TTC23: variants seen among roughly 807,000 people sequenced by gnomAD.
The protein encoded by TTC23 is tetratricopeptide repeat protein 23.
In TTC23, 58 loss-of-function variants were observed where a neutral mutation model predicts 55.1. The observed-to-expected ratio is 1.05, with a 90% CI of 0.85 to 1.31. The LOEUF (loss-of-function observed/expected upper bound fraction) is 1.31, where lower values mean the gene tolerates loss of function less well. Among genes scored for constraint, TTC23 ranks in the 50% most tolerant of loss-of-function variants. TTC23 has a pLI of 0.00. For missense variants in TTC23, 516 were observed against 534.4 expected, an observed-to-expected ratio of 0.97 and a Z score of 0.34; for synonymous variants, 203 against 199.9, an observed-to-expected ratio of 1.02 and a Z score of -0.13.
At chr15:99,194,291 G>A (rs1462939749) in intron 9 of TTC23, among the ~76,000 whole-genome samples, 1 of 152,080 alleles carries the variant, frequency 6.6e-6, no homozygotes, top group African/African-American at 2.4e-5. Flanking sequence ...ATCCAGAATA[G>A]CCAATGAAAT....
At chr15:99,167,872 C>T (rs2072348527) in intron 10 of TTC23, among the ~76,000 whole-genome samples, 1 of 152,196 alleles carries the variant, frequency 6.6e-6, no homozygotes, top group Non-Finnish European at 1.5e-5. Context: ...CTACTCTGTA[C>T]CAACCGCAAA....
intron 8 of TTC23, among the ~76,000 whole-genome samples, chr15:99,201,476 A>C (rs1432063141): frequency 6.6e-6 from 1 of 152,190 alleles, no homozygotes; most frequent in Non-Finnish European, 1.5e-5. Flanking sequence ...GACTACAAAA[A>C]ATAGGTATTA....
intron 9 of TTC23, among the ~76,000 whole-genome samples, chr15:99,185,657 A>T (rs1411648074): frequency 6.6e-6 from 1 of 152,166 alleles, no homozygotes; most frequent in Non-Finnish European, 1.5e-5. Context: ...TCACTCACAT[A>T]AGTAGAACCC....
At chr15:99,143,612 G>A (rs879995673) in intron 12 of TTC23, among the ~76,000 whole-genome samples, 1 of 152,230 alleles carries the variant, frequency 6.6e-6, no homozygotes, top group Non-Finnish European at 1.5e-5. Flanking sequence ...GGAGTGTCCA[G>A]ATGAATTTTA....
intron 12 of TTC23, among the ~76,000 whole-genome samples, chr15:99,143,173 T>G (rs150699879): frequency 6.6e-6 from 1 of 152,260 alleles, no homozygotes; most frequent in Admixed American, 6.5e-5. Flanking sequence ...AAATGACTAC[T>G]CTTCCAAAGA....
chr15:99,227,963 T>A (rs2078600310), intron 5 of TTC23, among the ~76,000 whole-genome samples: 1 of 152,220 alleles, frequency 6.6e-6, no homozygotes, highest in Non-Finnish European at 1.5e-5. Context: ...CTCATCAACC[T>A]GACTACCATT....
chr15:99,233,176 T>G (rs71399864), intron 4 of TTC23, among the ~76,000 whole-genome samples: 32,079 of 152,168 alleles, frequency 0.21, 3,560 homozygotes, highest in East Asian at 0.37. Flanking sequence ...ACATGGTGAC[T>G]ACTGTATTGT....
chr15:99,142,008 C>G (rs2068284041), intron 12 of TTC23, among the ~76,000 whole-genome samples: 1 of 152,194 alleles, frequency 6.6e-6, no homozygotes, highest in Non-Finnish European at 1.5e-5. Flanking sequence ...GCACGGGGAC[C>G]TTGGCCTGGC....
chr15:99,172,600 G>C (rs974238834), intron 10 of TTC23, among the ~76,000 whole-genome samples: 1 of 152,142 alleles, frequency 6.6e-6, no homozygotes, highest in Non-Finnish European at 1.5e-5. Context: ...ACTGGTTATG[G>C]GCCCTTGGAA....
upstream of TTC23, chr15:99,249,760 C>G (rs1013537355): frequency 2.0e-5 from 3 of 152,130 alleles, no homozygotes; most frequent in African/African-American, 7.2e-5. Context: ...TGAAGTTTGT[C>G]AAAGAACGTG....
intron 11 of TTC23, among the ~76,000 whole-genome samples, chr15:99,156,578 A>G (rs1283894597): frequency 1.1e-4 from 16 of 152,242 alleles, no homozygotes; most frequent in Admixed American, 9.8e-4. Flanking sequence ...AGCAGGAGAG[A>G]TAAGTGCTGA....
chr15:99,241,170 C>A (rs1201242184), intron 3 of TTC23, among the ~76,000 whole-genome samples, 195 bp downstream of exon 3: 2 of 152,098 alleles, frequency 1.3e-5, no homozygotes, highest in Admixed American at 1.3e-4. Flanking sequence ...AAAAAATTAG[C>A]CAGGTGTGGT....
chr15:99,235,165 T>C (rs1456767679), intron 3 of TTC23, 85 bp from the exon 4 acceptor site: 1 of 152,064 alleles, frequency 6.6e-6, no homozygotes, highest in Non-Finnish European at 1.5e-5. Context: ...GGAGGATGGC[T>C]TGAGCCTGGG....
At chr15:99,193,817 G>A (rs556983873) in intron 9 of TTC23, among the ~76,000 whole-genome samples, 42 of 152,226 alleles carry the variant, frequency 2.8e-4, no homozygotes, top group African/African-American at 9.9e-4. Flanking sequence ...AGACCAGCCT[G>A]GCTAACATAG....
intron 9 of TTC23, among the ~76,000 whole-genome samples, chr15:99,179,184 A>G (rs528714854): frequency 1.6e-4 from 24 of 152,256 alleles, no homozygotes; most frequent in African/African-American, 5.8e-4. Flanking sequence ...TGACAAACTT[A>G]CTTTCCTCCT....
intron 9 of TTC23, among the ~76,000 whole-genome samples, chr15:99,183,872 C>T (rs1454350022): frequency 6.6e-6 from 1 of 152,184 alleles, no homozygotes; most frequent in Non-Finnish European, 1.5e-5. Context: ...CCCCTTATCA[C>T]AGGCCCTGAG....
At chr15:99,182,969 T>C (rs964275114) in intron 9 of TTC23, among the ~76,000 whole-genome samples, 2 of 152,146 alleles carry the variant, frequency 1.3e-5, no homozygotes, top group African/African-American at 4.8e-5. Flanking sequence ...ACCAGCAGAA[T>C]GGGGCATTGC....
At chr15:99,247,129 A>C (rs2080316347) in intron 1 of TTC23, among the ~76,000 whole-genome samples, 1 of 152,218 alleles carries the variant, frequency 6.6e-6, no homozygotes, top group African/African-American at 2.4e-5. Flanking sequence ...ACCACTTAAA[A>C]TCCAGCTGAA....
intron 5 of TTC23, among the ~76,000 whole-genome samples, chr15:99,225,575 A>G (rs1189891797): frequency 6.6e-6 from 1 of 152,240 alleles, no homozygotes; most frequent in East Asian, 1.9e-4. Context: ...GTTGTAGTGT[A>G]TTTGAAAAAT....
Sources: gnomAD v4.1 joint callset for allele counts (sites outside exome capture counted in the v4.1 genomes callset) on GRCh38, gnomAD v4.1.1 for gene constraint, MANE v1.5 for transcripts, NCBI Gene and HGNC (gene_info 2026-07-23, HGNC 2026-07-21) for gene names.